CALN1: variants seen among roughly 807,000 people sequenced by gnomAD.
CALN1 encodes calcium-binding protein 8.
In CALN1, 17 loss-of-function variants were observed where a neutral mutation model predicts 30.6. The observed-to-expected ratio is 0.56, with a 90% CI of 0.38 to 0.83. The LOEUF (loss-of-function observed/expected upper bound fraction) is 0.83. Among genes scored for constraint, CALN1 ranks in the 40% least tolerant of loss-of-function variants. CALN1 has a pLI of 0.00. For missense variants in CALN1, 291 were observed against 354.9 expected (o/e 0.82, Z 1.45); for synonymous variants, 156 against 131.4 (o/e 1.19, Z -1.28).
At chr7:72,205,566 A>ATACACACACATATATATATATACG in intron 3 of CALN1, among the ~76,000 whole-genome samples, 1 of 115,640 alleles carries the variant, frequency 8.6e-6, no homozygotes, top group African/African-American at 3.7e-5. Flanking sequence ...ATATATATAT[A>ATACACACACATATATATATATACG]TGTATATATA....
intron 3 of CALN1, among the ~76,000 whole-genome samples, chr7:72,130,340 G>C (rs948588647): frequency 1.5e-4 from 23 of 152,156 alleles, no homozygotes; most frequent in African/African-American, 4.6e-4. Context: ...GGAATGACCT[G>C]CAAGATGTAT....
At chr7:72,249,941 CAAA>C (rs1288607608) in intron 3 of CALN1, among the ~76,000 whole-genome samples, 1 of 40,324 alleles carries the variant, frequency 2.5e-5, no homozygotes, top group Non-Finnish European at 4.9e-5. Context: ...TATCTCAAAA[CAAA>C]CCAAAAAAAA....
intron 6 of CALN1, among the ~76,000 whole-genome samples, chr7:71,790,120 G>GAGAAGAA (rs140957855): frequency 4.2e-5 from 6 of 144,524 alleles, no homozygotes; most frequent in Admixed American, 7.0e-5. Flanking sequence ...GAGAGAGAGA[G>GAGAAGAA]AGAAGAAAGA....
intron 5 of CALN1, among the ~76,000 whole-genome samples, chr7:72,006,945 C>G (rs886444903): frequency 1.3e-5 from 2 of 152,122 alleles, no homozygotes; most frequent in African/African-American, 4.8e-5. Context: ...ATGTACTTTG[C>G]ATACAGATTA....
At chr7:72,187,846 T>C (rs992285290) in intron 3 of CALN1, among the ~76,000 whole-genome samples, 3 of 152,234 alleles carry the variant, frequency 2.0e-5, no homozygotes, top group Non-Finnish European at 2.9e-5. Flanking sequence ...GTTCATCCTG[T>C]ATCTGTATGG....
At chr7:72,388,394 C>T (rs1248087265) in intron 2 of CALN1, among the ~76,000 whole-genome samples, 4 of 151,888 alleles carry the variant, frequency 2.6e-5, no homozygotes, top group Admixed American at 1.3e-4. Flanking sequence ...AAAAAGGTAC[C>T]GTTATATCCT....
At chr7:72,287,961 GGTTA>G (rs1798207491) in intron 2 of CALN1, among the ~76,000 whole-genome samples, 1 of 151,788 alleles carries the variant, frequency 6.6e-6, no homozygotes, top group African/African-American at 2.4e-5. Context: ...AAAGTGATTG[GGTTA>G]TTTATTGGTA....
At chr7:71,916,333 G>A (rs903553433) in intron 5 of CALN1, among the ~76,000 whole-genome samples, 9 of 151,840 alleles carry the variant, frequency 5.9e-5, no homozygotes, top group South Asian at 2.1e-4. Context: ...TGAATCAATC[G>A]CCTGAAACCA....
intron 2 of CALN1, among the ~76,000 whole-genome samples, chr7:72,383,056 G>A (rs376331879): frequency 2.6e-5 from 4 of 152,278 alleles, no homozygotes; most frequent in East Asian, 3.9e-4. Context: ...AAAGTGCTGG[G>A]ATTACGGGCA....
At chr7:71,977,351 C>T (rs1350688646) in intron 5 of CALN1, among the ~76,000 whole-genome samples, 1 of 152,138 alleles carries the variant, frequency 6.6e-6, no homozygotes, top group Admixed American at 6.5e-5. Context: ...GGGAGGATCA[C>T]TTAAGCCAAG....
intron 4 of CALN1, among the ~76,000 whole-genome samples, chr7:72,049,809 A>AT (rs36079674): frequency 0.016 from 1,492 of 90,508 alleles, 54 homozygotes; most frequent in African/African-American, 0.067. Context: ...GGCCAAGTCT[A>AT]TTTCTTTTTT....
At chr7:71,923,860 C>T (rs1244996368) in intron 5 of CALN1, among the ~76,000 whole-genome samples, 3 of 152,060 alleles carry the variant, frequency 2.0e-5, no homozygotes. Context: ...GTTAGCATGG[C>T]CTTTGAAGGC....
intron 1 of CALN1, among the ~76,000 whole-genome samples, chr7:72,409,090 G>T (rs1157364965): frequency 6.6e-6 from 1 of 151,866 alleles, no homozygotes; most frequent in Non-Finnish European, 1.5e-5. Flanking sequence ...CCGCCTCCCG[G>T]ATTCAAGAGA....
At chr7:71,823,701 G>A (rs1457794077) in intron 5 of CALN1, among the ~76,000 whole-genome samples, 2 of 151,536 alleles carry the variant, frequency 1.3e-5, no homozygotes, top group African/African-American at 2.4e-5. Flanking sequence ...CTGGGCAACA[G>A]AGCGAGACTC....
intron 5 of CALN1, among the ~76,000 whole-genome samples, chr7:71,912,159 G>T (rs73364112): frequency 6.6e-6 from 1 of 151,998 alleles, no homozygotes; most frequent in Non-Finnish European, 1.5e-5. Context: ...CTTCTGTGTG[G>T]GATGAGAAGA....
the CALN1 span, among the ~76,000 whole-genome samples, chr7:72,456,163 A>G: frequency 6.6e-6 from 1 of 150,530 alleles, no homozygotes; most frequent in African/African-American, 2.5e-5. Context: ...CAGTCTGGCA[A>G]CAGAGCGACA....
the CALN1 span, among the ~76,000 whole-genome samples, chr7:72,456,783 T>C: frequency 1.3e-5 from 2 of 151,822 alleles, no homozygotes; most frequent in African/African-American, 4.8e-5. Flanking sequence ...GAAGTTGAGA[T>C]TGCAGTGAGT....
chr7:72,150,155 T>C (rs1311037610), intron 3 of CALN1, among the ~76,000 whole-genome samples: 6 of 147,970 alleles, frequency 4.1e-5, no homozygotes, highest in Non-Finnish European at 8.9e-5. Context: ...CAGATAGAAG[T>C]TACCAGGACA....
intron 4 of CALN1, among the ~76,000 whole-genome samples, chr7:72,080,515 A>G (rs1361337564): frequency 2.0e-5 from 3 of 152,142 alleles, no homozygotes; most frequent in Non-Finnish European, 4.4e-5. Flanking sequence ...TGTTCAACTA[A>G]TGTCTGTGGA....
Sources: allele counts gnomAD v4.1 joint callset (sites outside exome capture counted in the v4.1 genomes callset), GRCh38; gene constraint gnomAD v4.1.1; transcripts MANE v1.5; gene names NCBI Gene and HGNC (gene_info 2026-07-23, HGNC 2026-07-21).